The following ATG14 variants were observed in gnomAD, a reference collection of about 807,000 sequenced individuals.
ATG14 encodes autophagy related 14, also known as beclin 1-associated autophagy-related key regulator.
In ATG14, 35 loss-of-function variants were observed where a neutral mutation model predicts 60.4. The observed-to-expected ratio is 0.58, with a 90% CI of 0.44 to 0.77. ATG14 has a LOEUF of 0.77. ATG14 is among the 30% of genes least tolerant of loss of function. The probability of loss-of-function intolerance (pLI) is 0.00; values close to 1 mark genes in which losing one functional copy is unlikely to be tolerated. For synonymous variants in ATG14, 234 were observed against 228.8 expected, an observed-to-expected ratio of 1.02 and a Z score of -0.21; for missense variants, 647 against 626.3, an observed-to-expected ratio of 1.03 and a Z score of -0.35.
chr14:55,391,065 C>G (rs1369711463), intron 3 of ATG14, 73 bp from the exon 4 acceptor site: 22 of 986,268 alleles, frequency 2.2e-5, no homozygotes, highest in Non-Finnish European at 3.3e-5. Flanking sequence ...CCTGGGATCA[C>G]TGCTTATTTT....
intron 1 of ATG14, 125 bp from the exon 2 acceptor site, chr14:55,397,559 A>C: frequency 2.6e-6 from 2 of 755,822 alleles, no homozygotes; most frequent in South Asian, 3.2e-5. Context: ...CTGATAGTAA[A>C]TACACGTCTT....
chr14:55,392,563 C>T (rs113584038), intron 3 of ATG14, among the ~76,000 whole-genome samples: 8,795 of 150,412 alleles, frequency 0.058, 320 homozygotes, highest in South Asian at 0.09. Flanking sequence ...GTGGGAGAAT[C>T]GCTTGAGCCC....
chr14:55,390,923 C>G lies in ATG14; in HGVS notation c.397G>C (p.Glu133Gln). ...LKQTICKGNEEMEKNSEGLLK... is the reference protein window; with the variant it reads ...LKQTICKGNEQMEKNSEGLLK... ...ACGAATTACTTACTTTTCTCCATTTCTTCATTTCCTTTACATATTGTTTGT... is the reference window on the plus strand; with the variant it reads ...ACGAATTACTTACTTTTCTCCATTTGTTCATTTCCTTTACATATTGTTTGT... Residue 133 changes from glutamate (E) to glutamine (Q), a missense_variant, in exon 4 of 10, where the codon GAA becomes CAA. By Grantham distance (29) the Glu-to-Gln change is conservative. Transcript: ENST00000247178. The G allele has an allele frequency of 6.3e-7, 1 of 1,596,244 alleles. No homozygotes were observed. Among genetic ancestry groups the G allele is most frequent in the South Asian group, 1.1e-5 (1 of 88,722 alleles).
intron 3 of ATG14, chr14:55,391,263 T>C (rs758518869): frequency 1.5e-4 from 41 of 274,266 alleles, no homozygotes; most frequent in Admixed American, 1.7e-4. Context: ...ATCAAGAGGT[T>C]AGGAGATCAA....
At chr14:55,404,858 A>G (rs1372916956) in intron 1 of ATG14, among the ~76,000 whole-genome samples, 2 of 152,234 alleles carry the variant, frequency 1.3e-5, no homozygotes. Context: ...ACCCAGGAGT[A>G]AGTCAGCCAC....
At chr14:55,411,482 TCTCTCGCTC>T (rs1885570998) in intron 1 of ATG14, 111 bp downstream of exon 1, 3 of 991,380 alleles carry the variant, frequency 3.0e-6, no homozygotes, top group Non-Finnish European at 4.4e-6. Context: ...ACACTCCCTC[TCTCTCGCTC>T]CTCTCGCTGG....
intron 1 of ATG14, among the ~76,000 whole-genome samples, chr14:55,408,917 G>C (rs910383576): frequency 6.6e-6 from 1 of 152,170 alleles, no homozygotes; most frequent in Non-Finnish European, 1.5e-5. Context: ...ATGAGGCTTC[G>C]TATGCCATAG....
At chr14:55,393,301 T>C (rs939747013) in intron 3 of ATG14, among the ~76,000 whole-genome samples, 4 of 151,330 alleles carry the variant, frequency 2.6e-5, no homozygotes, top group Admixed American at 6.6e-5. Context: ...AGGAGAATGG[T>C]GTGAACCCAG....
chr14:55,406,931 T>C (rs753106071), intron 1 of ATG14, among the ~76,000 whole-genome samples: 13 of 152,050 alleles, frequency 8.5e-5, no homozygotes, highest in Non-Finnish European at 1.5e-4. Context: ...GAAAATCTAA[T>C]GCTCACATTT....
chr14:55,373,523 G>C (rs1252457625), intron 9 of ATG14, among the ~76,000 whole-genome samples: 1 of 152,058 alleles, frequency 6.6e-6, no homozygotes, highest in African/African-American at 2.4e-5. Flanking sequence ...GTAGCAGCAC[G>C]ATCTCAGCTC....
chr14:55,411,732 C>G lies in ATG14; in HGVS notation c.91G>C (p.Asp31His). 5.0e-6 allele frequency: 8 copies of G among 1,611,418 alleles called. No individual in the cohort carries two copies. The highest frequency in any genetic ancestry group is 6.8e-6 in the Non-Finnish European group (8 of 1,179,146). The change falls in exon 1 of 10, where the codon GAC becomes CAC. Residue 31 changes from aspartate to histidine, a missense_variant. Asp to His is a moderately conservative substitution (Grantham distance 81). Transcript: ENST00000247178. ...GCCACGTACAGCCCCTCCGCATCGT[C>G]CACGGAGTCCACCAGGTCCCGGGCG... ...PLARDLVDSV[D>H]DAEGLYVAVE...
intron 1 of ATG14, 51 bp downstream of exon 1, chr14:55,411,551 G>C: frequency 6.5e-7 from 1 of 1,537,122 alleles, no homozygotes; most frequent in Non-Finnish European, 8.8e-7. Context: ...CGGCTGCCTG[G>C]CTGGAGGACA....
At chr14:55,393,638 T>C (rs1451070295) in intron 3 of ATG14, among the ~76,000 whole-genome samples, 1 of 151,740 alleles carries the variant, frequency 6.6e-6, no homozygotes, top group Non-Finnish European at 1.5e-5. Flanking sequence ...CTGACCTCCC[T>C]GGCTCAAGTG....
At chr14:55,389,181 G>T (rs1415269273) in intron 4 of ATG14, among the ~76,000 whole-genome samples, 2 of 152,184 alleles carry the variant, frequency 1.3e-5, no homozygotes, top group African/African-American at 2.4e-5. Flanking sequence ...GTGTTAAAAA[G>T]AGCTGATCAG....
chr14:55,390,405 G>C (rs1245464364), intron 4 of ATG14, among the ~76,000 whole-genome samples: 1 of 149,594 alleles, frequency 6.7e-6, no homozygotes, highest in Non-Finnish European at 1.5e-5. Context: ...GACAGAGTCT[G>C]GCTCTGTGCC....
chr14:55,370,664 C>CA (rs1240599821), intron 9 of ATG14, among the ~76,000 whole-genome samples: 13 of 151,586 alleles, frequency 8.6e-5, no homozygotes, highest in Non-Finnish European at 2.9e-5. Context: ...TTTATTTAGA[C>CA]AGAGTCTCGT....
At chr14:55,397,557 A>C (rs1885333306) in intron 1 of ATG14, 123 bp from the exon 2 acceptor site, 6 of 764,504 alleles carry the variant, frequency 7.8e-6, no homozygotes, top group Non-Finnish European at 1.3e-5. Context: ...TCCTGATAGT[A>C]AATACACGTC....
In ATG14 at chr14:55,411,759, G is replaced by A. The variant is rs763114334; in HGVS notation, c.64C>T (p.Leu22Phe). 4.4e-6 allele frequency: 7 copies of A among 1,606,818 alleles called. No individual in the cohort carries two copies. Among genetic ancestry groups the A allele is most frequent in the Non-Finnish European group, 5.1e-6 (6 of 1,177,226 alleles). ...LEAPGCGPRP[L>F]ARDLVDSVDD... ...ACGGAGTCCACCAGGTCCCGGGCGA[G>A]CGGCCGGGGCCCGCAGCCAGGAGCC... The change falls in exon 1 of 10, where the codon CTC becomes TTC. Residue 22 changes from leucine to phenylalanine, a missense_variant. Transcript: ENST00000247178.
intron 7 of ATG14, 126 bp from the exon 8 acceptor site, chr14:55,378,200 C>T (rs1884957551): frequency 1.4e-6 from 1 of 710,100 alleles, no homozygotes; most frequent in Non-Finnish European, 2.4e-6. Context: ...GTAAATTGCA[C>T]TTAAAGACTT....
Sources: gnomAD v4.1 joint callset for allele counts (sites outside exome capture counted in the v4.1 genomes callset) on GRCh38, gnomAD v4.1.1 for gene constraint, MANE v1.5 for transcripts, NCBI Gene and HGNC (gene_info 2026-07-23, HGNC 2026-07-21) for gene names.